CELSR2: variants seen among roughly 807,000 people sequenced by gnomAD.
CELSR2 encodes the protein EGF-like protein 2.
In CELSR2, 81 loss-of-function variants were observed where a neutral mutation model predicts 251.6. The observed-to-expected ratio is 0.32, with a 90% confidence interval of 0.27 to 0.39. The LOEUF (loss-of-function observed/expected upper bound fraction) is 0.39. Ranked by LOEUF, CELSR2 falls within the 10% of genes least tolerant of loss-of-function variation. The pLI, the probability that CELSR2 is intolerant of heterozygous loss-of-function variation, is 1.00. For synonymous variants in CELSR2, 1,721 were observed against 1,670.5 expected (o/e 1.03, Z -0.74); for missense variants, 3,365 against 3,947.7 (o/e 0.85, Z 3.96).
At position 109,251,660 on chromosome 1, in the gene CELSR2, C is replaced by G; in HGVS notation, c.1581C>G (p.Val527=). The G allele has an allele frequency of 6.2e-7, 1 of 1,613,976 alleles. No individual in the cohort carries two copies. The highest frequency in any genetic ancestry group is 1.7e-5 in the Admixed American group (1 of 60,014). ...SVPLGYLVLH[V]QAIDADAGDN... is the part of the protein sequence containing the mutation. ...CCTTAGGCTACCTGGTTCTCCATGT[C>G]CAGGCTATCGACGCTGATGCTGGTG... The change falls in exon 1 of 34, where the codon GTC becomes GTG. Residue 527 remains valine (V), a synonymous_variant. Coordinates refer to ENST00000271332, the MANE Select transcript of CELSR2 (RefSeq NM_001408.3). This position sits in a 1 kb window ranked among gnomAD's most constrained non-coding sequence, Gnocchi z 4.9.
chr1:109,263,951 C>G, intron 9 of CELSR2, 127 bp from the exon 10 acceptor site: 1 of 1,404,730 alleles, frequency 7.1e-7, no homozygotes, highest in South Asian at 1.4e-5. Context: ...GAAATAAATA[C>G]GCTTTCCTCT....
rs575709489 is a variant in CELSR2, at chr1:109,264,945, A to C, written c.5542A>C (p.Ser1848Arg). ...CCAGTCTGTGTGTACCCGCAAGCCCAGTGCCCCCCATGGCTATACCTGCGA... is the reference window on the plus strand; with the variant it reads ...CCAGTCTGTGTGTACCCGCAAGCCCCGTGCCCCCCATGGCTATACCTGCGA... ...EHQSVCTRKP[S>R]APHGYTCECP... Residue 1848 changes from serine (S) to arginine (R), a missense_variant, in exon 12 of 34, where the codon AGT (serine) becomes CGT (arginine). Coordinates refer to ENST00000271332, the MANE Select transcript of CELSR2 (RefSeq NM_001408.3). The C allele has an allele frequency of 1.9e-6, 3 of 1,614,056 alleles. No individual in the cohort carries two copies. Among genetic ancestry groups the C allele is most frequent in the Non-Finnish European group, 2.5e-6 (3 of 1,180,036 alleles).
rs775831069 is a variant in CELSR2 at position 109,251,858 on chromosome 1, G to A, written c.1779G>A (p.Ser593=). The change falls in exon 1 of 34, where the codon TCG becomes TCA. Residue 593 remains serine (S), a synonymous_variant. Coordinates refer to ENST00000271332, the MANE Select transcript of CELSR2 (RefSeq NM_001408.3). The surrounding 1 kb of genome is among the most constrained non-coding windows in gnomAD (Gnocchi z 4.9). ...RDHGTPALTA[S]ASVSVTVLDV... is the part of the protein sequence containing the mutation. ...ATGGCACTCCAGCACTCACTGCCTC[G>A]GCCAGTGTCAGCGTGACTGTCCTGG... is the stretch of plus-strand genomic sequence containing the variant. The A allele has an allele frequency of 1.5e-5, 25 of 1,613,928 alleles. No homozygotes were observed. Among genetic ancestry groups the A allele is most frequent in the South Asian group, 4.4e-5 (4 of 91,086 alleles).
intron 1 of CELSR2, among the ~76,000 whole-genome samples, chr1:109,258,087 G>T (rs1655909866): frequency 6.6e-6 from 1 of 152,168 alleles, no homozygotes; most frequent in Admixed American, 6.5e-5. Context: ...GTCTCAGGAT[G>T]CTCTGGGCCC....
intron 24 of CELSR2, 123 bp from the exon 25 acceptor site, chr1:109,270,804 C>A: frequency 1.0e-6 from 1 of 982,048 alleles, no homozygotes; most frequent in Non-Finnish European, 1.5e-6. Context: ...TCGGTAGGGG[C>A]CGATGGTGGG....
In CELSR2 at chr1:109,266,110, T is replaced by C; in HGVS notation, c.5917T>C (p.Tyr1973His). 6.2e-7 allele frequency: 1 copy of C among 1,613,988 alleles called. No homozygotes were observed. The highest frequency in any genetic ancestry group is 1.7e-4 in the Middle Eastern group (1 of 6,060). ...EVTTNGCEVN[Y>H]DSCPRAIEAG... ...CCATGTGCTCTTCCCCGCAGTGAAT[T>C]ATGACAGCTGCCCACGAGCGATTGA... The change falls in exon 15 of 34, where the codon TAT becomes CAT. Residue 1973 changes from tyrosine to histidine, a missense_variant. Tyr to His is a moderately conservative substitution (Grantham distance 83, BLOSUM62 2). Transcript: ENST00000271332.
In CELSR2 at chr1:109,264,304, C is replaced by G. The variant is rs1446740871; in HGVS notation, c.5228C>G (p.Thr1743Arg). The G allele has an allele frequency of 6.2e-7, 1 of 1,613,740 alleles. No individual in the cohort carries two copies. Among genetic ancestry groups the G allele is most frequent in the Non-Finnish European group, 8.5e-7 (1 of 1,179,828 alleles). The change falls in exon 10 of 34, where the codon ACA becomes AGA. Residue 1743 changes from threonine to arginine, a missense_variant. Transcript: ENST00000271332. ...RLHGLHLSNI[T>R]VGGIPGPAGG... ...CATGGTCTGCACCTGAGCAACATAA[C>G]AGTGGGCGGAATACCTGGGCCAGCC... is the stretch of plus-strand genomic sequence containing the variant.
At chr1:109,265,164 C>T (rs1198591325) in intron 12 of CELSR2, 27 bp from the exon 13 acceptor site, 9 of 1,577,060 alleles carry the variant, frequency 5.7e-6, no homozygotes, top group East Asian at 2.2e-5. Flanking sequence ...AGGGGGAGCT[C>T]ATGCCTACCT....
chr1:109,261,648 A>T lies in CELSR2; in HGVS notation c.4297+20A>T. On this transcript the variant is annotated intron_variant, in intron 4 of 33. Coordinates refer to ENST00000271332, the MANE Select transcript of CELSR2 (RefSeq NM_001408.3). This position sits in a 1 kb window ranked among gnomAD's most constrained non-coding sequence, Gnocchi z 4.8. ...CTGCAGGTGATCACAGTTGCCCCCC[A>T]TCCTTGCCCATCTTCCAAAGGCCCC... 1.3e-6 allele frequency: 2 copies of T among 1,599,752 alleles called. No individual in the cohort carries two copies. The highest frequency in any genetic ancestry group is 2.2e-5 in the South Asian group (2 of 90,820).
In CELSR2 at chr1:109,251,576, C is replaced by T. The variant is rs377453116; in HGVS notation, c.1497C>T (p.Asn499=). The change falls in exon 1 of 34, where the codon AAC becomes AAT. Residue 499 remains asparagine (N), a synonymous_variant. Coordinates refer to ENST00000271332, the MANE Select transcript of CELSR2 (RefSeq NM_001408.3). The surrounding 1 kb of genome is among the most constrained non-coding windows in gnomAD (Gnocchi z 4.9). ...GLVTVQVLDI[N]DNAPIFVSTP... ...TGACAGTACAGGTCCTGGATATCAA[C>T]GACAATGCCCCCATCTTCGTCAGCA... 2.7e-5 allele frequency: 44 copies of T among 1,613,746 alleles called. No homozygotes were observed. The highest frequency in any genetic ancestry group is 2.3e-4 in the African/African-American group (17 of 74,910).
In CELSR2 at chr1:109,251,017, C is replaced by T. The variant is rs753831092; in HGVS notation, c.938C>T (p.Ala313Val). Residue 313 changes from alanine to valine, a missense_variant, in exon 1 of 34, where the codon GCC (alanine) becomes GTC (valine). Physicochemically the swap from Ala to Val is moderately conservative, Grantham distance 64 (BLOSUM62 0). Around this residue, in one of 5 missense-constraint regions of CELSR2, gnomAD observed 704 missense variants for 784.1 expected, o/e 0.90. Coordinates refer to ENST00000271332, the MANE Select transcript of CELSR2 (RefSeq NM_001408.3). The surrounding 1 kb of genome is among the most constrained non-coding windows in gnomAD (Gnocchi z 4.9). ...EVGYEVLTVR[A>V]TDGDAPPNAN... ...GGCTATGAGGTGCTCACTGTCAGGG[C>T]CACGGATGGTGATGCCCCTCCCAAT... The T allele has an allele frequency of 6.2e-7, 1 of 1,613,370 alleles. No homozygotes were observed. Among genetic ancestry groups the T allele is most frequent in the South Asian group, 1.1e-5 (1 of 91,054 alleles).
At position 109,261,301 on chromosome 1, in the gene CELSR2, G is replaced by C; in HGVS notation, c.4181+37G>C. The C allele has an allele frequency of 6.3e-7, 1 of 1,587,840 alleles. No individual in the cohort carries two copies. Among genetic ancestry groups the C allele is most frequent in the Non-Finnish European group, 8.6e-7 (1 of 1,160,896 alleles). The stretch of plus-strand genomic sequence containing the variant: ...GGCACTGGGGGTGGGGAGTGGGCCT[G>C]GTGGGCATCTGAGGTGCCTCCTGTT... On this transcript the variant is annotated intron_variant, in intron 3 of 33. Transcript: ENST00000271332. The surrounding 1 kb of genome is among the most constrained non-coding windows in gnomAD (Gnocchi z 4.8).
At position 109,250,128 on chromosome 1, in the gene CELSR2, C is replaced by CCGT. The variant is rs1557725028; in HGVS notation, c.49_50insCGT (p.Pro16dup). ...CCCCCTCCCAACGCCGCCGCCGCCG[C>CCGT]TGCTGCTGCTGTTGCTGCTGCTGCT... is the stretch of plus-strand genomic sequence containing the variant. On this transcript the variant is annotated inframe_insertion, in exon 1 of 34. Coordinates refer to ENST00000271332, the MANE Select transcript of CELSR2 (RefSeq NM_001408.3). This position sits in a 1 kb window ranked among gnomAD's most constrained non-coding sequence, Gnocchi z 4.4. 1.3e-6 allele frequency: 2 copies of CCGT among 1,588,318 alleles called. No individual in the cohort carries two copies. Among genetic ancestry groups the CCGT allele is most frequent in the East Asian group, 2.4e-5 (1 of 42,460 alleles).
In CELSR2 at chr1:109,272,397, C is replaced by A; in HGVS notation, c.8046C>A (p.Phe2682Leu). ...AGAGTCAGCCCAGCTACATCCCCTT[C>A]TTGCTGAGGTGAATCCCGGAGATGG... ...SGKSQPSYIP[F>L]LLREESALNP... Residue 2682 changes from phenylalanine (F) to leucine (L), a missense_variant, in exon 29 of 34, where the codon TTC (phenylalanine) becomes TTA (leucine). This residue lies in a region of CELSR2 where 2,093 missense variants were observed against 2,382.8 expected (regional missense o/e 0.88). Coordinates refer to ENST00000271332, the MANE Select transcript of CELSR2 (RefSeq NM_001408.3). 6.2e-7 allele frequency: 1 copy of A among 1,608,508 alleles called. No homozygotes were observed.
chr1:109,262,423 G>T lies in CELSR2; in HGVS notation c.4523G>T (p.Gly1508Val). Residue 1508 changes from glycine (G) to valine (V), a missense_variant, in exon 6 of 34, where the codon GGC becomes GTC. This residue lies in a region of CELSR2 where 2,093 missense variants were observed against 2,382.8 expected (regional missense o/e 0.88). Transcript: ENST00000271332. ...VLGNYSCAAQ[G>V]TQGGSKKSLD... ...GGCAACTACTCCTGTGCTGCCCAGG[G>T]CACCCAGGGTGGCAGCAAGAAGTGA... is the stretch of plus-strand genomic sequence containing the variant. 1 of 1,610,956 alleles carries T rather than the reference G, an allele frequency of 6.2e-7. No individual in the cohort carries two copies. Among genetic ancestry groups the T allele is most frequent in the Non-Finnish European group, 8.5e-7 (1 of 1,177,996 alleles).
chr1:109,259,033 C>T lies in CELSR2; in HGVS notation c.3912C>T (p.Arg1304=), dbSNP rs377382639. ...CCTGTGGCCCCCACGGGCGCTGCCGCAGCCGCGAGGGCGGCTACACCTGCC... is the reference window on the plus strand; with the variant it reads ...CCTGTGGCCCCCACGGGCGCTGCCGTAGCCGCGAGGGCGGCTACACCTGCC... The part of the protein sequence containing the change: ...SRPCGPHGRC[R]SREGGYTCLC... The change falls in exon 2 of 34, where the codon CGC becomes CGT. Residue 1304 remains arginine (R), a synonymous_variant. Transcript: ENST00000271332. 7 of 1,597,274 alleles carry T rather than the reference C, an allele frequency of 4.4e-6. No homozygotes were observed. In the African/African-American group the frequency reaches 8.0e-5, roughly 18 times the overall value.
chr1:109,272,772 G>A, intron 30 of CELSR2, 44 bp downstream of exon 30: 1 of 1,613,440 alleles, frequency 6.2e-7, no homozygotes, highest in African/African-American at 1.3e-5. Context: ...CAGTTGGCTG[G>A]CTTTTACTGA....
chr1:109,260,923 T>G, intron 2 of CELSR2, 119 bp from the exon 3 acceptor site: 1 of 693,268 alleles, frequency 1.4e-6, no homozygotes, highest in Admixed American at 2.8e-5. Flanking sequence ...GCCTGGGAGG[T>G]TTGGGGAGTA....
In CELSR2 at chr1:109,271,000, C is replaced by T. The variant is rs1486677002; in HGVS notation, c.7557C>T (p.Leu2519=). 9 of 1,613,988 alleles carry T rather than the reference C, an allele frequency of 5.6e-6. No homozygotes were observed. Among genetic ancestry groups the T allele is most frequent in the Non-Finnish European group, 6.8e-6 (8 of 1,179,998 alleles). ...DFCWLSIYDT[L]IWSFAGPVAF... ...GCTGGCTCTCCATCTATGACACGCT[C>T]ATCTGGAGTTTTGCTGGCCCGGTGG... Residue 2519 remains leucine (L), a synonymous_variant, in exon 25 of 34, where the codon CTC becomes CTT. Coordinates refer to ENST00000271332, the MANE Select transcript of CELSR2 (RefSeq NM_001408.3).
Sources: allele counts gnomAD v4.1 joint callset (sites outside exome capture counted in the v4.1 genomes callset), GRCh38; gene constraint gnomAD v4.1.1; regional missense constraint gnomAD v4.1.1; non-coding constraint Gnocchi (gnomAD v3.1); transcripts MANE v1.5; gene names NCBI Gene and HGNC (gene_info 2026-07-23, HGNC 2026-07-21).